AKT2: variants seen among roughly 807,000 people sequenced by gnomAD.
AKT2 encodes the protein RAC-beta serine/threonine-protein kinase.
AKT2 carries 16 observed loss-of-function variants against 58.6 expected under a neutral mutation model. The observed-to-expected ratio is 0.27, with a 90% CI of 0.18 to 0.41. The LOEUF (loss-of-function observed/expected upper bound fraction) is 0.41. Among genes scored for constraint, AKT2 ranks in the 10% least tolerant of loss-of-function variants. The pLI, the probability that AKT2 is intolerant of heterozygous loss-of-function variation, is 1.00. For synonymous variants in AKT2, 253 were observed against 254.0 expected (o/e 1.00, Z 0.04); for missense variants, 438 against 661.0 (o/e 0.66, Z 3.70).
intron 2 of AKT2, 57 bp from the exon 3 acceptor site, chr19:40,257,111 AG>A: frequency 1.2e-6 from 2 of 1,603,478 alleles, no homozygotes; most frequent in Non-Finnish European, 1.7e-6. Context: ...GTGATGTCCC[AG>A]GTAGGCGGCA....
In AKT2 at chr19:40,242,419, C is replaced by G. The variant is rs200220143; in HGVS notation, c.441+115G>C. Reference sequence around the variant, plus strand: ...GAAATCACCCCACCCTGCAGGGCAGCCTTGTCTCTCAGCTGAGCCCCCTGA... The same window carrying G: ...GAAATCACCCCACCCTGCAGGGCAGGCTTGTCTCTCAGCTGAGCCCCCTGA... On this transcript the variant is annotated intron_variant, in intron 5 of 13. Transcript: ENST00000392038. This position sits in a 1 kb window ranked among gnomAD's most constrained non-coding sequence, Gnocchi z 4.3. 5 of 1,503,142 alleles carry G rather than the reference C, an allele frequency of 3.3e-6. No individual in the cohort carries two copies. In the African/African-American group the frequency reaches 6.9e-5, roughly 21 times the overall value. 93.1% of individuals were successfully genotyped at this position (1,503,142 alleles called of 1,614,324 possible). A position where few individuals can be genotyped will look rare whatever the true frequency, so the allele number is the denominator to read the frequency against.
chr19:40,246,654 T>C (rs1385604472), intron 4 of AKT2, among the ~76,000 whole-genome samples: 7 of 152,218 alleles, frequency 4.6e-5, no homozygotes, highest in African/African-American at 1.7e-4. Flanking sequence ...GGTATCATCT[T>C]TGTTTTCAAA....
At position 40,238,046 on chromosome 19, in the gene AKT2, C is replaced by G; in HGVS notation, c.754G>C (p.Ala252Pro). 3 of 1,609,028 alleles carry G rather than the reference C, an allele frequency of 1.9e-6. No homozygotes were observed. Among genetic ancestry groups the G allele is most frequent in the Non-Finnish European group, 2.5e-6 (3 of 1,177,742 alleles). The change falls in exon 9 of 14, where the codon GCC becomes CCC. Residue 252 changes from alanine (A) to proline (P), a missense_variant. This residue lies in a region of AKT2 where 244 missense variants were observed against 347.1 expected (regional missense o/e 0.70). Coordinates refer to ENST00000392038, the MANE Select transcript of AKT2 (RefSeq NM_001626.6). The surrounding 1 kb of genome is among the most constrained non-coding windows in gnomAD (Gnocchi z 5.1). ...ACAATCTCTGCACCATAAAACCGGG[C>G]CCGCTCCTCTGTGAAGACACGCTCC... ...SRERVFTEER[A>P]RFYGAEIVSA...
In AKT2 at chr19:40,238,747, C is replaced by A. The variant is rs566457020; in HGVS notation, c.708+158G>T. ...TCTCTGAGCCTCAGTGACTGCCCCC[C>A]CAAAATGGAGACGAAGCCGCCTGCC... On this transcript the variant is annotated intron_variant, in intron 8 of 13. Transcript: ENST00000392038. The surrounding 1 kb of genome is among the most constrained non-coding windows in gnomAD (Gnocchi z 5.1). Among the ~76,000 whole-genome samples the A allele has an allele frequency of 7.9e-4, 121 of 152,282 alleles. No homozygotes were observed. Among genetic ancestry groups the A allele is most frequent in the Non-Finnish European group, 4.0e-4 (27 of 68,016 alleles).
At chr19:40,245,497 C>T (rs1316975918) in intron 4 of AKT2, among the ~76,000 whole-genome samples, 1 of 152,208 alleles carries the variant, frequency 6.6e-6, no homozygotes. Flanking sequence ...GAAGAGAAGT[C>T]ATGATCCTGG....
chr19:40,270,966 C>G (rs987297816), intron 1 of AKT2, among the ~76,000 whole-genome samples: 14 of 151,396 alleles, frequency 9.2e-5, no homozygotes, highest in African/African-American at 3.2e-4. Context: ...TGAGCTATGA[C>G]TACACCACCA....
At chr19:40,257,261 T>A (rs553931245) in intron 2 of AKT2, among the ~76,000 whole-genome samples, 1 of 152,102 alleles carries the variant, frequency 6.6e-6, no homozygotes, top group Non-Finnish European at 1.5e-5. Flanking sequence ...TGAGCCCGGG[T>A]GATCCACAGG....
At chr19:40,263,770 G>A (rs1249308564) in intron 2 of AKT2, among the ~76,000 whole-genome samples, 1 of 152,162 alleles carries the variant, frequency 6.6e-6, no homozygotes, top group Non-Finnish European at 1.5e-5. Context: ...AGGATGCGTG[G>A]CTCTTCCCGA....
chr19:40,253,477 C>T (rs1975315364), intron 4 of AKT2, among the ~76,000 whole-genome samples: 1 of 151,698 alleles, frequency 6.6e-6, no homozygotes, highest in African/African-American at 2.4e-5. Flanking sequence ...ATAGACACTT[C>T]AGAATAGGAA....
intron 2 of AKT2, among the ~76,000 whole-genome samples, chr19:40,259,143 CA>C (rs1975760691): frequency 6.6e-6 from 1 of 152,056 alleles, no homozygotes; most frequent in Admixed American, 6.5e-5. Context: ...CAAGATCATT[CA>C]ATGGGGAAAG....
intron 1 of AKT2, among the ~76,000 whole-genome samples, chr19:40,266,852 G>A (rs1222578429): frequency 1.3e-5 from 2 of 152,182 alleles, no homozygotes; most frequent in East Asian, 3.9e-4. Flanking sequence ...CACCTGTAAT[G>A]TCAGCTATTC....
intron 4 of AKT2, among the ~76,000 whole-genome samples, chr19:40,247,214 G>A (rs1292846632): frequency 6.6e-6 from 1 of 152,194 alleles, no homozygotes; most frequent in East Asian, 1.9e-4. Flanking sequence ...TGGGGCAAAG[G>A]GGAGCTCCCC....
Position 40,235,328 on chromosome 19 carries a change from C to A in AKT2, c.1198G>T (p.Ala400Ser), listed in dbSNP as rs1973951263. ...AACCTGTGCTCCATGACCTCCTTGG[C>A]ATCGCTGGGCCCCCCACCAAGCCTG... ...KQRLGGGPSDAKEVMEHRFFL... is the reference protein window; with the variant it reads ...KQRLGGGPSDSKEVMEHRFFL... Residue 400 changes from alanine to serine, a missense_variant, in exon 12 of 14, where the codon GCC becomes TCC. Transcript: ENST00000392038. This position sits in a 1 kb window ranked among gnomAD's most constrained non-coding sequence, Gnocchi z 6.3. The A allele has an allele frequency of 1.2e-6, 2 of 1,613,900 alleles. No individual in the cohort carries two copies. Among genetic ancestry groups the A allele is most frequent in the Non-Finnish European group, 1.7e-6 (2 of 1,180,008 alleles).
At chr19:40,258,060 AACAT>A (rs1485526508) in intron 2 of AKT2, among the ~76,000 whole-genome samples, 2 of 151,888 alleles carry the variant, frequency 1.3e-5, no homozygotes, top group African/African-American at 4.8e-5. Flanking sequence ...CAGCCTGACC[AACAT>A]GGAGAAACCC....
intron 9 of AKT2, 49 bp from the exon 10 acceptor site, chr19:40,236,434 G>GCCAC: frequency 1.5e-5 from 24 of 1,612,668 alleles, no homozygotes; most frequent in Non-Finnish European, 2.0e-5. Context: ...AAGGCTTCCT[G>GCCAC]CCACCCCAGC....
intron 1 of AKT2, among the ~76,000 whole-genome samples, chr19:40,280,099 G>C (rs1017781062): frequency 1.3e-5 from 2 of 152,212 alleles, no homozygotes; most frequent in African/African-American, 4.8e-5. Flanking sequence ...TGGGTGCTGG[G>C]CGCCAGTCAC....
In AKT2 at chr19:40,238,544, C is replaced by T. The variant is rs1225832112; in HGVS notation, c.708+361G>A. Reference sequence around the variant, plus strand: ...GCTGAGCGGCTGCGGGAATTCACTTCGAGAGGACACGGGAACGGAGGGCTG... The same window carrying T: ...GCTGAGCGGCTGCGGGAATTCACTTTGAGAGGACACGGGAACGGAGGGCTG... On this transcript the variant is annotated intron_variant, in intron 8 of 13. Transcript: ENST00000392038. The surrounding 1 kb of genome is among the most constrained non-coding windows in gnomAD (Gnocchi z 5.1). Among the ~76,000 whole-genome samples the T allele has an allele frequency of 2.6e-5, 4 of 152,154 alleles. No homozygotes were observed. The highest frequency in any genetic ancestry group is 2.1e-4 in the South Asian group (1 of 4,824).
chr19:40,268,717 A>C (rs551480286), intron 1 of AKT2: 12 of 152,512 alleles, frequency 7.9e-5, no homozygotes, highest in African/African-American at 2.9e-4. Context: ...GAGTTGGAAG[A>C]TCCCCTGCGT....
rs778946378 is a variant in AKT2, at chr19:40,235,055, G to T, written c.1356C>A (p.Pro452=). 1.2e-6 allele frequency: 2 copies of T among 1,614,156 alleles called. No homozygotes were observed. Among genetic ancestry groups the T allele is most frequent in the Admixed American group, 3.3e-5 (2 of 60,030 alleles). ...GCCCCAGGCACTCACAGCGGTCAGG[G>T]GGTGTGATTGTGATGGACTGGGCGG... The part of the protein sequence containing the change: ...EFTAQSITIT[P]PDRYDSLGLL... Residue 452 remains proline, a synonymous_variant, in exon 13 of 14, where the codon CCC becomes CCA. Coordinates refer to ENST00000392038, the MANE Select transcript of AKT2 (RefSeq NM_001626.6). This position sits in a 1 kb window ranked among gnomAD's most constrained non-coding sequence, Gnocchi z 6.3.
Sources: allele counts gnomAD v4.1 joint callset (sites outside exome capture counted in the v4.1 genomes callset), GRCh38; gene constraint gnomAD v4.1.1; regional missense constraint gnomAD v4.1.1; non-coding constraint Gnocchi (gnomAD v3.1); transcripts MANE v1.5; gene names NCBI Gene and HGNC (gene_info 2026-07-23, HGNC 2026-07-21).